SLC8A1: variants seen among roughly 807,000 people sequenced by gnomAD.
SLC8A1 encodes the protein sodium/calcium exchanger 1.
Under a neutral mutation model 68.3 loss-of-function variants are expected in SLC8A1, and 18 were observed. That is an observed-to-expected ratio of 0.26 (90% CI 0.18 to 0.39). The LOEUF is 0.39. Among genes scored for constraint, SLC8A1 ranks in the 10% least tolerant of loss-of-function variants. The pLI is 1.00. For missense variants in SLC8A1, 985 were observed against 1,156.7 expected, an observed-to-expected ratio of 0.85 and a Z score of 2.15; for synonymous variants, 475 against 415.5, an observed-to-expected ratio of 1.14 and a Z score of -1.74.
In SLC8A1 at chr2:40,429,613, G is replaced by C. The variant is rs935908425; in HGVS notation, c.668C>G (p.Ser223Cys). Residue 223 changes from serine (S) to cysteine (C), a missense_variant, in exon 2 of 8, where the codon TCT becomes TGT. By Grantham distance (112) the Ser-to-Cys change is moderately radical. Coordinates refer to ENST00000406785, the Ensembl canonical transcript of SLC8A1. ...CTCCACAACACCAGGAGATATGACA[G>C]ACAAAATAATGTAAAGCCAGGTGTA... 2.5e-6 allele frequency: 4 copies of C among 1,613,796 alleles called. No homozygotes were observed. The Admixed American group carries it at 6.7e-5, about 27-fold the overall frequency.
At chr2:40,280,458 A>G (rs1014955365) in intron 2 of SLC8A1, among the ~76,000 whole-genome samples, 1 of 152,204 alleles carries the variant, frequency 6.6e-6, no homozygotes, top group Non-Finnish European at 1.5e-5. Flanking sequence ...TTGATGTAAA[A>G]CACTGGTGGT....
chr2:40,243,171 A>C (rs541773063), intron 2 of SLC8A1, among the ~76,000 whole-genome samples: 1 of 152,314 alleles, frequency 6.6e-6, no homozygotes, highest in South Asian at 2.1e-4. Context: ...TAACTGAGTT[A>C]ATTCACAACT....
chr2:40,298,030 C>A (rs1312574502), intron 2 of SLC8A1, among the ~76,000 whole-genome samples: 1 of 152,102 alleles, frequency 6.6e-6, no homozygotes, highest in Non-Finnish European at 1.5e-5. Context: ...CAGGTGTGCA[C>A]CACCACTCCT....
chr2:40,225,943 A>C (rs2058922627), intron 2 of SLC8A1, among the ~76,000 whole-genome samples: 1 of 152,162 alleles, frequency 6.6e-6, no homozygotes, highest in Admixed American at 6.6e-5. Context: ...GACAATCCTG[A>C]TGCTTTTACA....
intron 2 of SLC8A1, among the ~76,000 whole-genome samples, chr2:40,261,711 G>C (rs985937199): frequency 3.5e-5 from 5 of 141,412 alleles, no homozygotes; most frequent in African/African-American, 1.3e-4. Flanking sequence ...ATTATTTAAA[G>C]AGAAAAATGT....
At chr2:40,484,663 G>C (rs1430760456) in intron 1 of SLC8A1, among the ~76,000 whole-genome samples, 1 of 152,194 alleles carries the variant, frequency 6.6e-6, no homozygotes, top group Non-Finnish European at 1.5e-5. Context: ...CGTGAGGGTT[G>C]GTACTATCAG....
chr2:40,322,196 G>A (rs995997645), intron 2 of SLC8A1, among the ~76,000 whole-genome samples: 1 of 152,110 alleles, frequency 6.6e-6, no homozygotes, highest in African/African-American at 2.4e-5. Flanking sequence ...AGTAAGAAAC[G>A]AGTTTTCCAG....
chr2:40,509,634 T>G (rs560540510), intron 1 of SLC8A1, among the ~76,000 whole-genome samples: 35 of 152,102 alleles, frequency 2.3e-4, no homozygotes, highest in African/African-American at 7.0e-4. Flanking sequence ...CTTCCTCCTC[T>G]TGTTATTGTC....
At chr2:40,219,138 G>A (rs2057938560) in intron 2 of SLC8A1, among the ~76,000 whole-genome samples, 1 of 152,174 alleles carries the variant, frequency 6.6e-6, no homozygotes, top group Admixed American at 6.5e-5. Context: ...CCCAAGTTTT[G>A]TGCCCCTTTC....
chr2:40,399,158 T>G (rs752126081), intron 2 of SLC8A1, among the ~76,000 whole-genome samples: 1 of 152,108 alleles, frequency 6.6e-6, no homozygotes, highest in Non-Finnish European at 1.5e-5. Context: ...TTCCCACTGA[T>G]TTAGAACAGA....
intron 2 of SLC8A1, among the ~76,000 whole-genome samples, chr2:40,216,502 C>A (rs1005554752): frequency 2.6e-5 from 4 of 152,110 alleles, no homozygotes; most frequent in African/African-American, 9.7e-5. Flanking sequence ...ATTTATATTC[C>A]TTTGAGTGTA....
chr2:40,160,349 A>C (rs1861427), intron 6 of SLC8A1, among the ~76,000 whole-genome samples: 1 of 152,206 alleles, frequency 6.6e-6, no homozygotes, highest in South Asian at 2.1e-4. Context: ...GTGTAAAATG[A>C]TGCAGATGGT....
At chr2:40,325,061 C>G (rs1037875422) in intron 2 of SLC8A1, among the ~76,000 whole-genome samples, 14 of 152,072 alleles carry the variant, frequency 9.2e-5, no homozygotes, top group Middle Eastern at 6.8e-3. Flanking sequence ...TAATAATGAT[C>G]CAATTTATTT....
intron 2 of SLC8A1, among the ~76,000 whole-genome samples, chr2:40,404,279 T>C (rs1426668977): frequency 6.6e-6 from 1 of 152,204 alleles, no homozygotes; most frequent in Non-Finnish European, 1.5e-5. Flanking sequence ...AACATATCTT[T>C]TTTTCTTTAG....
At chr2:40,171,185 A>T (rs1340996545) in intron 4 of SLC8A1, among the ~76,000 whole-genome samples, 1 of 152,220 alleles carries the variant, frequency 6.6e-6, no homozygotes, top group South Asian at 2.1e-4. Flanking sequence ...CTTCTCAGTT[A>T]TAAAGTGAAG....
intron 2 of SLC8A1, among the ~76,000 whole-genome samples, chr2:40,297,651 A>T (rs1359014441): frequency 1.3e-5 from 2 of 152,176 alleles, no homozygotes; most frequent in Admixed American, 6.5e-5. Flanking sequence ...GTAAGTTTGG[A>T]AAAACAATGC....
intron 1 of SLC8A1, among the ~76,000 whole-genome samples, chr2:40,486,025 A>C (rs35732522): frequency 0.31 from 47,172 of 152,164 alleles, 7,996 homozygotes; most frequent in Non-Finnish European, 0.36. Context: ...TGGGAAGGAC[A>C]CAGTGGGAGT....
At chr2:40,174,152 G>A (rs146474146) in intron 4 of SLC8A1, among the ~76,000 whole-genome samples, 1 of 152,220 alleles carries the variant, frequency 6.6e-6, no homozygotes, top group East Asian at 1.9e-4. Flanking sequence ...GAAACCCTCA[G>A]ATTGGTGTGG....
At chr2:40,315,125 T>C (rs2074261168) in intron 2 of SLC8A1, among the ~76,000 whole-genome samples, 1 of 151,984 alleles carries the variant, frequency 6.6e-6, no homozygotes, top group South Asian at 2.1e-4. Context: ...AATTTTAGTT[T>C]TTTCATGTAT....
Sources: gnomAD v4.1 joint callset for allele counts (sites outside exome capture counted in the v4.1 genomes callset) on GRCh38, gnomAD v4.1.1 for gene constraint, MANE v1.5 for transcripts, NCBI Gene and HGNC (gene_info 2026-07-23, HGNC 2026-07-21) for gene names.